The following MAGI3 variants were observed in gnomAD, a reference collection of about 807,000 sequenced individuals.
MAGI3 encodes the protein membrane associated guanylate kinase, WW and PDZ domain containing 3, also known as membrane-associated guanylate kinase, WW and PDZ domain-containing protein 3.
A neutral mutation model predicts 121.8 loss-of-function variants in MAGI3; 43 were observed. The observed-to-expected ratio is 0.35, with a 90% confidence interval of 0.28 to 0.46. The LOEUF is 0.46. Among genes scored for constraint, MAGI3 ranks in the 20% least tolerant of loss-of-function variants. MAGI3 has a pLI of 1.00. For missense variants in MAGI3, 1,547 were observed against 1,797.3 expected (o/e 0.86, Z 2.52); for synonymous variants, 553 against 639.3 (o/e 0.86, Z 2.04).
intron 1 of MAGI3, among the ~76,000 whole-genome samples, chr1:113,511,069 A>G (rs1027677668): frequency 5.9e-5 from 9 of 152,162 alleles, no homozygotes; most frequent in African/African-American, 2.2e-4. Flanking sequence ...CATTGTGGGG[A>G]CTTGACATGT....
intron 1 of MAGI3, among the ~76,000 whole-genome samples, chr1:113,482,733 G>A (rs1656171329): frequency 6.8e-6 from 1 of 146,088 alleles, no homozygotes; most frequent in African/African-American, 2.5e-5. Flanking sequence ...AAGTATATTT[G>A]TGAATTGACA....
At chr1:113,587,953 A>G (rs1476032094) in intron 4 of MAGI3, among the ~76,000 whole-genome samples, 1 of 152,236 alleles carries the variant, frequency 6.6e-6, no homozygotes, top group Non-Finnish European at 1.5e-5. Flanking sequence ...ACAAATATGT[A>G]GTGAGCACTT....
chr1:113,684,664 T>TAA lies in MAGI3; in HGVS notation c.*651_*652dup, dbSNP rs1191010456. 2 of 152,392 alleles carry TAA rather than the reference T, an allele frequency of 1.3e-5. No individual in the cohort carries two copies. The highest frequency in any genetic ancestry group is 2.9e-5 in the Non-Finnish European group (2 of 68,044). The allele number at this position is 152,392 out of a possible 1,614,324, so 9.4% of individuals were successfully genotyped here. ...GGCTTTTTATTTTAATTTGGCTGGA[T>TAA]AAGTTGTTTCAAATAACTGTTAAAG... On this transcript the variant is annotated 3_prime_UTR_variant, in exon 21 of 21. Transcript: ENST00000307546.
Position 113,589,718 on chromosome 1 carries a change from A to G in MAGI3, c.764-766A>G, listed in dbSNP as rs190732192. Among the ~76,000 whole-genome samples the G allele has an allele frequency of 3.2e-3, 480 of 152,198 alleles. 2 individuals carry two copies. Among genetic ancestry groups the G allele is most frequent in the Non-Finnish European group, 3.5e-3 (235 of 67,938 alleles). The stretch of plus-strand genomic sequence containing the variant: ...ATCTGAGCCATTGCCTGCAATTTGA[A>G]GTTGTTATAGTGATATTACATAGCA... On this transcript the variant is annotated intron_variant, in intron 4 of 20. Transcript: ENST00000307546.
chr1:113,416,410 T>C (rs1282166346), intron 1 of MAGI3, among the ~76,000 whole-genome samples: 16 of 93,104 alleles, frequency 1.7e-4, no homozygotes, highest in Non-Finnish European at 2.9e-4. Flanking sequence ...AATTAATTAA[T>C]AATTAATAAT....
intron 6 of MAGI3, among the ~76,000 whole-genome samples, chr1:113,611,253 A>G (rs1159064505): frequency 1.3e-5 from 2 of 151,714 alleles, no homozygotes; most frequent in African/African-American, 4.8e-5. Context: ...CGCCCAGCTA[A>G]TTTTTGTATT....
chr1:113,485,132 A>T (rs960940348), intron 1 of MAGI3, among the ~76,000 whole-genome samples: 1 of 152,196 alleles, frequency 6.6e-6, no homozygotes, highest in African/African-American at 2.4e-5. Context: ...ATGCATGTGC[A>T]AGTATCTTTT....
intron 1 of MAGI3, among the ~76,000 whole-genome samples, chr1:113,519,569 T>TC (rs1235781765): frequency 1.3e-5 from 2 of 152,162 alleles, no homozygotes; most frequent in Non-Finnish European, 2.9e-5. Context: ...CAGTGCATAG[T>TC]CCTACTAATA....
intron 1 of MAGI3, among the ~76,000 whole-genome samples, chr1:113,434,129 C>T (rs895005999): frequency 1.3e-5 from 2 of 152,126 alleles, no homozygotes; most frequent in Non-Finnish European, 2.9e-5. Context: ...CCAGAAGATA[C>T]CAGATTATCT....
chr1:113,550,584 C>T (rs1209358747), intron 2 of MAGI3, among the ~76,000 whole-genome samples: 1 of 150,946 alleles, frequency 6.6e-6, no homozygotes, highest in African/African-American at 2.4e-5. Context: ...GGTGAAACCC[C>T]ATCTCTACTA....
At chr1:113,577,295 G>C (rs1647710462) in intron 2 of MAGI3, among the ~76,000 whole-genome samples, 2 of 152,180 alleles carry the variant, frequency 1.3e-5, no homozygotes, top group Admixed American at 1.3e-4. Context: ...TGGCCATTGA[G>C]TTCAGCAAAG....
chr1:113,492,298 G>A (rs185170612), intron 1 of MAGI3, among the ~76,000 whole-genome samples: 103 of 152,132 alleles, frequency 6.8e-4, no homozygotes, highest in Non-Finnish European at 1.1e-3. Flanking sequence ...TGCACAAAAG[G>A]CTCTCAATAA....
chr1:113,548,381 C>T (rs1288623989), intron 1 of MAGI3, among the ~76,000 whole-genome samples: 2 of 152,140 alleles, frequency 1.3e-5, no homozygotes, highest in Non-Finnish European at 2.9e-5. Context: ...TTTGAGAGCC[C>T]TTATATCTCT....
chr1:113,394,688 A>G (rs994540743), intron 1 of MAGI3, among the ~76,000 whole-genome samples: 1 of 152,184 alleles, frequency 6.6e-6, no homozygotes, highest in Non-Finnish European at 1.5e-5. Flanking sequence ...GCTTTCAGTA[A>G]GTTTCAGTAA....
At chr1:113,413,830 A>G (rs1265611597) in intron 1 of MAGI3, among the ~76,000 whole-genome samples, 1 of 152,120 alleles carries the variant, frequency 6.6e-6, no homozygotes, top group Non-Finnish European at 1.5e-5. Flanking sequence ...GCAAACAGGG[A>G]CAATTTGACT....
chr1:113,631,046 CCTT>C (rs1281082385), intron 9 of MAGI3, among the ~76,000 whole-genome samples: 3 of 152,218 alleles, frequency 2.0e-5, no homozygotes, highest in Admixed American at 1.3e-4. Context: ...CCAAATGCTC[CCTT>C]TGTTGGCATA....
chr1:113,681,143 G>A (rs1648190307), intron 19 of MAGI3, 55 bp from the exon 20 acceptor site: 1 of 1,581,952 alleles, frequency 6.3e-7, no homozygotes, highest in Non-Finnish European at 8.6e-7. Context: ...GACAAAAGCA[G>A]AATTTACAAA....
At chr1:113,526,465 A>G (rs914815165) in intron 1 of MAGI3, among the ~76,000 whole-genome samples, 1 of 152,204 alleles carries the variant, frequency 6.6e-6, no homozygotes, top group Non-Finnish European at 1.5e-5. Flanking sequence ...AGCTCTACGT[A>G]TGAGAGAGAG....
intron 8 of MAGI3, among the ~76,000 whole-genome samples, chr1:113,620,036 T>C (rs1198667879): frequency 6.6e-6 from 1 of 152,138 alleles, no homozygotes; most frequent in African/African-American, 2.4e-5. Context: ...ACAAAAAGCA[T>C]GAAGTTGTTG....
Sources: gnomAD v4.1 joint callset for allele counts (sites outside exome capture counted in the v4.1 genomes callset) on GRCh38, gnomAD v4.1.1 for gene constraint, MANE v1.5 for transcripts, NCBI Gene and HGNC (gene_info 2026-07-23, HGNC 2026-07-21) for gene names.